The following TREML2 variants were observed in gnomAD, a reference collection of about 807,000 sequenced individuals.
The protein encoded by TREML2 is trem-like transcript 2 protein.
TREML2 carries 24 observed loss-of-function variants against 25.9 expected under a neutral mutation model. The observed-to-expected ratio is 0.93, with a 90% CI of 0.67 to 1.30. The LOEUF (loss-of-function observed/expected upper bound fraction) is 1.30. Ranked by LOEUF, TREML2 falls within the 50% of genes most tolerant of loss-of-function variation. The pLI is 0.00. For synonymous variants in TREML2, 139 were observed against 155.2 expected (o/e 0.90, Z 0.77); for missense variants, 359 against 395.6 (o/e 0.91, Z 0.78).
rs757567572 is a variant in TREML2 at position 41,194,661 on chromosome 6, T to A, written c.549A>T (p.Arg183Ser). ...AGCTGTAGCCTGTCTTGGAGGCAGG[T>A]CTGGTGGAGGCTAAGAGCCTAGGCA... ...ITLPRLLAST[R>S]PASKTGYSFT... The change falls in exon 3 of 5, where the codon AGA becomes AGT. Residue 183 changes from arginine to serine, a missense_variant. By Grantham distance (110) the Arg-to-Ser change is moderately radical (BLOSUM62 -1). Coordinates refer to ENST00000483722, the MANE Select transcript of TREML2 (RefSeq NM_024807.4). 85 of 1,613,730 alleles carry A rather than the reference T, an allele frequency of 5.3e-5. No individual in the cohort carries two copies. The highest frequency in any genetic ancestry group is 6.7e-5 in the African/African-American group (5 of 74,846).
chr6:41,189,894 G>A lies in TREML2; in HGVS notation c.*2533C>T, dbSNP rs993401845. 7.9e-5 allele frequency among the ~76,000 whole-genome samples: 12 copies of A among 152,176 alleles called. No homozygotes were observed. Among genetic ancestry groups the A allele is most frequent in the Non-Finnish European group, 1.6e-4 (11 of 68,034 alleles). On this transcript the variant is annotated 3_prime_UTR_variant, in exon 5 of 5. Transcript: ENST00000483722. The stretch of plus-strand genomic sequence containing the variant: ...GGACTGGGCAGCTCATCTGCATAAG[G>A]CATGAATTTCTGGTAGCTCCCTGCT...
intron 3 of TREML2, among the ~76,000 whole-genome samples, 182 bp downstream of exon 3, chr6:41,194,243 C>T (rs1017225347): frequency 7.8e-6 from 1 of 128,712 alleles, no homozygotes; most frequent in African/African-American, 2.9e-5. Flanking sequence ...CCCCTCCTCT[C>T]TCCTGCCCCT....
chr6:41,193,994 ATCCCGACCCTCCTC>A (rs1297596745), intron 3 of TREML2, among the ~76,000 whole-genome samples: 1 of 124,042 alleles, frequency 8.1e-6, no homozygotes, highest in Non-Finnish European at 1.7e-5. Context: ...CCCTACCTTT[ATCCCGACCCTCCTC>A]TCTGCTGACA....
intron 1 of TREML2, 32 bp from the exon 2 acceptor site, chr6:41,198,461 G>T (rs773317556): frequency 2.6e-6 from 4 of 1,567,800 alleles, no homozygotes; most frequent in Non-Finnish European, 2.6e-6. Flanking sequence ...AATAAGGTCT[G>T]GCAAGAGGAG....
intron 2 of TREML2, among the ~76,000 whole-genome samples, chr6:41,196,504 A>C (rs1033850267): frequency 6.6e-6 from 1 of 152,114 alleles, no homozygotes; most frequent in African/African-American, 2.4e-5. Context: ...TTTTGCCTAC[A>C]CTCAAGGGAG....
In TREML2 at chr6:41,198,337, C is replaced by G. The variant is rs35512890; in HGVS notation, c.148G>C (p.Val50Leu). 6.2e-7 allele frequency: 1 copy of G among 1,609,632 alleles called. No homozygotes were observed. The highest frequency in any genetic ancestry group is 1.6e-4 in the Middle Eastern group (1 of 6,066). The change falls in exon 2 of 5, where the codon GTG becomes CTG. Residue 50 changes from valine to leucine, a missense_variant. Val to Leu is a conservative substitution (Grantham distance 32). Coordinates refer to ENST00000483722, the MANE Select transcript of TREML2 (RefSeq NM_024807.4). ...ATTTTGCACCAAACCTTGCCCTCCA[C>G]GCGGTTTTTGTAGCCCTTATAGGAG... The part of the protein sequence containing the change: ...QCSYKGYKNR[V>L]EGKVWCKIRK...
chr6:41,191,222 T>TGTGTGTG lies in TREML2; in HGVS notation c.*1204_*1205insCACACAC, dbSNP rs71305799. ...GTGTGTGTGTGTGTGTGTGTGTGTGTAGGGGAATCCAGGCTGCATTCTCCA... is the reference window on the plus strand; with the variant it reads ...GTGTGTGTGTGTGTGTGTGTGTGTGTGTGTGTGAGGGGAATCCAGGCTGCATTCTCCA... On this transcript the variant is annotated 3_prime_UTR_variant, in exon 5 of 5. Coordinates refer to ENST00000483722, the MANE Select transcript of TREML2 (RefSeq NM_024807.4). 1 of 118,318 alleles carries TGTGTGTG rather than the reference T, an allele frequency of 8.5e-6. No homozygotes were observed. Among genetic ancestry groups the TGTGTGTG allele is most frequent in the Non-Finnish European group, 1.7e-5 (1 of 58,632 alleles). The allele number at this position is 118,318 out of a possible 1,614,324, so 7.3% of individuals were successfully genotyped here.
At chr6:41,199,270 G>A (rs1253548294) in intron 1 of TREML2, among the ~76,000 whole-genome samples, 1 of 152,132 alleles carries the variant, frequency 6.6e-6, no homozygotes, top group East Asian at 1.9e-4. Flanking sequence ...CAACTAACTA[G>A]GTAGATAAGA....
At chr6:41,195,207 C>G (rs1406399255) in intron 2 of TREML2, among the ~76,000 whole-genome samples, 3 of 152,124 alleles carry the variant, frequency 2.0e-5, no homozygotes, top group Admixed American at 1.3e-4. Flanking sequence ...TCCAGCTATT[C>G]CATAATTGAC....
At chr6:41,194,246 C>T (rs953950174) in intron 3 of TREML2, among the ~76,000 whole-genome samples, 179 bp downstream of exon 3, 2 of 135,282 alleles carry the variant, frequency 1.5e-5, no homozygotes, top group Non-Finnish European at 3.2e-5. Context: ...CTCCTCTCTC[C>T]TGCCCCTCCT....
intron 1 of TREML2, among the ~76,000 whole-genome samples, 200 bp from the exon 2 acceptor site, chr6:41,198,629 G>T (rs1325295800): frequency 6.6e-6 from 1 of 152,188 alleles, no homozygotes; most frequent in Non-Finnish European, 1.5e-5. Flanking sequence ...AAAACAGCTA[G>T]CTTCCAGTAT....
chr6:41,200,598 C>A (rs1313733553), intron 1 of TREML2, among the ~76,000 whole-genome samples: 1 of 152,226 alleles, frequency 6.6e-6, no homozygotes, highest in Non-Finnish European at 1.5e-5. Flanking sequence ...GTTCAAAACA[C>A]ACATGATGCA....
At chr6:41,196,790 A>G (rs184349935) in intron 2 of TREML2, among the ~76,000 whole-genome samples, 25 of 152,272 alleles carry the variant, frequency 1.6e-4, no homozygotes, top group Admixed American at 4.6e-4. Flanking sequence ...CACTATCTTT[A>G]TAGAGATACT....
rs1766036592 is a variant in TREML2 at position 41,190,611 on chromosome 6, G to C, written c.*1816C>G. ...TTAGTGACTTGCTGAGGGTCACACA[G>C]TGACAGAGTGGTATCCTGGTCCCTG... On this transcript the variant is annotated 3_prime_UTR_variant, in exon 5 of 5. Coordinates refer to ENST00000483722, the MANE Select transcript of TREML2 (RefSeq NM_024807.4). The C allele has an allele frequency of 6.6e-6, 1 of 152,242 alleles. No individual in the cohort carries two copies. The highest frequency in any genetic ancestry group is 1.5e-5 in the Non-Finnish European group (1 of 68,050). 9.4% of individuals were successfully genotyped at this position (152,242 alleles called of 1,614,324 possible). A position where few individuals can be genotyped will look rare whatever the true frequency, so the allele number is the denominator to read the frequency against.
chr6:41,192,094 T>A lies in TREML2; in HGVS notation c.*333A>T. 3.3e-6 allele frequency: 1 copy of A among 306,720 alleles called. No homozygotes were observed. Among genetic ancestry groups the A allele is most frequent in the South Asian group, 5.0e-5 (1 of 20,020 alleles). 19.0% of individuals were successfully genotyped at this position (306,720 alleles called of 1,614,324 possible). A position where few individuals can be genotyped will look rare whatever the true frequency, so the allele number is the denominator to read the frequency against. On this transcript the variant is annotated 3_prime_UTR_variant, in exon 5 of 5. Coordinates refer to ENST00000483722, the MANE Select transcript of TREML2 (RefSeq NM_024807.4). ...TTTCTGAGGCAGACGGGAGCTGAGG[T>A]TCTCTGTAAACAGCACTCTCAGGGT... is the stretch of plus-strand genomic sequence containing the variant.
At position 41,192,556 on chromosome 6, in the gene TREML2, C is replaced by T. The variant is rs914274782; in HGVS notation, c.887-50G>A. 3.9e-6 allele frequency: 6 copies of T among 1,533,002 alleles called. No individual in the cohort carries two copies. In the Middle Eastern group the frequency reaches 5.1e-4, roughly 131 times the overall value. The allele number at this position is 1,533,002 out of a possible 1,614,324, so 95.0% of individuals were successfully genotyped here. A position where few individuals can be genotyped will look rare whatever the true frequency, so the allele number is the denominator to read the frequency against. On this transcript the variant is annotated intron_variant, in intron 4 of 4. Coordinates refer to ENST00000483722, the MANE Select transcript of TREML2 (RefSeq NM_024807.4). ...GAAGTGTCCTGCCCTGCCCACGGTG[C>T]CCCGATGCTCCTCCACCAGCCCCAG...
intron 1 of TREML2, among the ~76,000 whole-genome samples, chr6:41,199,736 C>T (rs1766242290): frequency 6.6e-6 from 1 of 152,164 alleles, no homozygotes; most frequent in South Asian, 2.1e-4. Flanking sequence ...AGACTCTCCC[C>T]CATAGTAGAG....
rs930571188 is a variant in TREML2, at chr6:41,198,562, A to G, written c.56-133T>C. On this transcript the variant is annotated intron_variant, in intron 1 of 4. Coordinates refer to ENST00000483722, the MANE Select transcript of TREML2 (RefSeq NM_024807.4). The stretch of plus-strand genomic sequence containing the variant: ...ACAGAACCCACAGATTGAGGGGGAA[A>G]TACAGCCCCGCCTTCAGGGAGCTTG... 2.2e-5 allele frequency: 22 copies of G among 1,007,346 alleles called. No homozygotes were observed. The Admixed American group carries it at 5.7e-4, about 26-fold the overall frequency. 62.4% of individuals were successfully genotyped at this position (1,007,346 alleles called of 1,614,324 possible). A position where few individuals can be genotyped will look rare whatever the true frequency, so the allele number is the denominator to read the frequency against.
At chr6:41,192,677 C>A in intron 4 of TREML2, 124 bp downstream of exon 4, 1 of 1,134,596 alleles carries the variant, frequency 8.8e-7, no homozygotes, top group South Asian at 1.4e-5. Context: ...CAGGTGGAAG[C>A]GTCATAGTCC....
Sources: gnomAD v4.1 joint callset for allele counts (sites outside exome capture counted in the v4.1 genomes callset) on GRCh38, gnomAD v4.1.1 for gene constraint, MANE v1.5 for transcripts, NCBI Gene and HGNC (gene_info 2026-07-23, HGNC 2026-07-21) for gene names.